The following MYO18B variants were observed in gnomAD, a reference collection of about 807,000 sequenced individuals.
The protein encoded by MYO18B is myosin XVIIIB.
A neutral mutation model predicts 273.0 loss-of-function variants in MYO18B; 204 were observed. The ratio of observed to expected loss-of-function variants is 0.75; its 90% CI spans 0.67 to 0.84. The LOEUF (loss-of-function observed/expected upper bound fraction) is 0.84, where lower values mean the gene tolerates loss of function less well. Among genes scored for constraint, MYO18B ranks in the 40% least tolerant of loss-of-function variants. MYO18B has a pLI of 0.00. For missense variants in MYO18B, 3,212 were observed against 3,287.6 expected (o/e 0.98, Z 0.56); for synonymous variants, 1,330 against 1,305.7 (o/e 1.02, Z -0.40).
chr22:25,990,204 A>C (rs1023574593), intron 39 of MYO18B, among the ~76,000 whole-genome samples: 2 of 152,184 alleles, frequency 1.3e-5, no homozygotes, highest in African/African-American at 4.8e-5. Flanking sequence ...GGGCAAGCCA[A>C]TGTGCAGAGA....
chr22:25,998,675 G>A (rs1933605233), intron 40 of MYO18B, among the ~76,000 whole-genome samples: 1 of 152,196 alleles, frequency 6.6e-6, no homozygotes, highest in South Asian at 2.1e-4. Context: ...AAACTGTAAA[G>A]TTTCTTGCTA....
chr22:25,805,464 G>A (rs534916040), intron 12 of MYO18B, among the ~76,000 whole-genome samples: 9 of 152,302 alleles, frequency 5.9e-5, no homozygotes, highest in East Asian at 5.8e-4. Flanking sequence ...GAGCCCTAGA[G>A]CTCTCTCCAG....
chr22:26,051,704 C>G, the MYO18B span, among the ~76,000 whole-genome samples: 1 of 152,074 alleles, frequency 6.6e-6, no homozygotes, highest in African/African-American at 2.4e-5. Context: ...GTAATCATTC[C>G]CAGTGATTTC....
chr22:25,762,693 T>C (rs971230946), intron 2 of MYO18B, among the ~76,000 whole-genome samples: 2 of 152,274 alleles, frequency 1.3e-5, no homozygotes, highest in African/African-American at 2.4e-5. Flanking sequence ...GTCAGTTGAA[T>C]GGGTTGGAGC....
chr22:25,982,403 T>C (rs1304316259), intron 39 of MYO18B, among the ~76,000 whole-genome samples: 2 of 152,234 alleles, frequency 1.3e-5, no homozygotes, highest in East Asian at 3.8e-4. Flanking sequence ...CGATAGATCC[T>C]GTCTTCATTC....
intron 42 of MYO18B, among the ~76,000 whole-genome samples, chr22:26,021,260 A>G (rs1180089708): frequency 2.6e-5 from 4 of 152,198 alleles, no homozygotes; most frequent in Non-Finnish European, 5.9e-5. Flanking sequence ...ATAAACTTCT[A>G]TAACTTGAAG....
intron 39 of MYO18B, among the ~76,000 whole-genome samples, chr22:25,972,925 C>T: frequency 6.7e-6 from 1 of 148,178 alleles, no homozygotes; most frequent in Non-Finnish European, 1.5e-5. Context: ...CACTGCACTC[C>T]AGCCTGGGTG....
chr22:25,966,706 C>T (rs2092983318), intron 39 of MYO18B, among the ~76,000 whole-genome samples: 1 of 152,196 alleles, frequency 6.6e-6, no homozygotes, highest in South Asian at 2.1e-4. Context: ...TTCTGTCACT[C>T]CCCTCCTTCT....
At chr22:25,861,587 C>A (rs2090738652) in intron 21 of MYO18B, among the ~76,000 whole-genome samples, 1 of 152,154 alleles carries the variant, frequency 6.6e-6, no homozygotes, top group African/African-American at 2.4e-5. Context: ...AATCTTTTTA[C>A]AAAATCCAGA....
chr22:25,920,310 C>G (rs572771017), intron 33 of MYO18B, among the ~76,000 whole-genome samples: 14 of 152,196 alleles, frequency 9.2e-5, no homozygotes, highest in Non-Finnish European at 1.8e-4. Flanking sequence ...TTGTTAGTTT[C>G]TTTCAGAGAT....
intron 42 of MYO18B, among the ~76,000 whole-genome samples, chr22:26,019,364 CAA>C (rs1466856776): frequency 3.3e-5 from 5 of 152,220 alleles, no homozygotes; most frequent in Non-Finnish European, 7.3e-5. Context: ...TATTACATGA[CAA>C]ATTACTGATT....
Position 25,761,283 on chromosome 22 carries a change from CA to C in MYO18B, c.39+153del, listed in dbSNP as rs1360961676. 3.9e-5 allele frequency among the ~76,000 whole-genome samples: 6 copies of C among 152,214 alleles called. No homozygotes were observed. In the East Asian group the frequency reaches 1.2e-3, roughly 29 times the overall value. On this transcript the variant is annotated intron_variant, in intron 2 of 43. Transcript: ENST00000335473. ...ATCCCACCTTCAACCTTCTCCCAGC[CA>C]GCTCGGTTAGCCTTGGCCTTTCCAA...
chr22:26,045,950 T>C, the MYO18B span, among the ~76,000 whole-genome samples: 5 of 152,226 alleles, frequency 3.3e-5, no homozygotes, highest in African/African-American at 1.2e-4. Context: ...GAGTTAGTTG[T>C]GCTCTCAACT....
chr22:25,745,501 A>G (rs200419065), intron 1 of MYO18B, among the ~76,000 whole-genome samples: 7 of 150,272 alleles, frequency 4.7e-5, no homozygotes, highest in African/African-American at 1.5e-4. Flanking sequence ...ACACACACAC[A>G]CGCACACACA....
At chr22:25,802,766 A>C (rs111882655) in intron 12 of MYO18B, among the ~76,000 whole-genome samples, 6,081 of 98,600 alleles carry the variant, frequency 0.062, 351 homozygotes, top group South Asian at 0.17. Context: ...AAAAAAAAAA[A>C]AAAAAAAAAA....
intron 27 of MYO18B, among the ~76,000 whole-genome samples, chr22:25,894,323 AGGAT>A (rs1555929391): frequency 6.6e-6 from 1 of 152,162 alleles, no homozygotes; most frequent in South Asian, 2.1e-4. Context: ...GATGGATGGA[AGGAT>A]GGATGGATGG....
intron 2 of MYO18B, among the ~76,000 whole-genome samples, chr22:25,761,896 G>T (rs370426437): frequency 1.6e-4 from 24 of 152,256 alleles, no homozygotes; most frequent in East Asian, 1.6e-3. Context: ...GGCCGAAGCA[G>T]GTGAATCATG....
Position 25,946,240 on chromosome 22 carries a change from A to G in MYO18B, c.5621A>G (p.Asn1874Ser). The G allele has an allele frequency of 1.3e-6, 2 of 1,573,290 alleles. No individual in the cohort carries two copies. Among genetic ancestry groups the G allele is most frequent in the African/African-American group, 1.4e-5 (1 of 73,114 alleles). The part of the protein sequence containing the change: ...MHSELENMTR[N>S]KSLVDEQLYR... ...AGCGAGCTGGAGAACATGACGCGGA[A>G]CAAGAGCCTGGTACCTGTCCCTTCC... The change falls in exon 35 of 44, where the codon AAC (asparagine) becomes AGC (serine). Residue 1874 changes from asparagine to serine, a missense_variant. Coordinates refer to ENST00000335473, the MANE Select transcript of MYO18B (RefSeq NM_032608.7).
At chr22:26,036,854 T>C in the MYO18B span, among the ~76,000 whole-genome samples, 47,707 of 152,070 alleles carry the variant, frequency 0.31, 11,507 homozygotes, top group African/African-American at 0.67. Context: ...CTGATGGTGA[T>C]CAATTAAAGA....
Sources: allele counts gnomAD v4.1 joint callset (sites outside exome capture counted in the v4.1 genomes callset), GRCh38; gene constraint gnomAD v4.1.1; transcripts MANE v1.5; gene names NCBI Gene and HGNC (gene_info 2026-07-23, HGNC 2026-07-21).